LIG3: variants seen among roughly 807,000 people sequenced by gnomAD.
LIG3 encodes ligase II, DNA, ATP-dependent.
In LIG3, 58 loss-of-function variants were observed where a neutral mutation model predicts 110.9. The observed-to-expected ratio is 0.52, with a 90% CI of 0.42 to 0.65. The LOEUF is 0.65. LIG3 is among the 30% of genes least tolerant of loss of function. The probability of loss-of-function intolerance (pLI) is 0.00; values close to 1 mark genes in which losing one functional copy is unlikely to be tolerated. For synonymous variants in LIG3, 422 were observed against 472.8 expected (o/e 0.89, Z 1.39); for missense variants, 1,094 against 1,273.8 (o/e 0.86, Z 2.15).
chr17:35,004,235 G>GT, intron 19 of LIG3, 38 bp from the exon 20 acceptor site: 1 of 1,514,048 alleles, frequency 6.6e-7, no homozygotes, highest in Non-Finnish European at 9.2e-7. Flanking sequence ...TGTACCCAGT[G>GT]TAGGTCTGAC....
chr17:34,987,969 C>T (rs572243026), intron 3 of LIG3, among the ~76,000 whole-genome samples: 12 of 151,600 alleles, frequency 7.9e-5, no homozygotes, highest in African/African-American at 1.9e-4. Flanking sequence ...CCGAGGCGGG[C>T]GGATCACGAG....
rs2090720827 is a variant in LIG3, at chr17:34,991,562, G to A, written c.1042-109G>A. 4 of 1,067,938 alleles carry A rather than the reference G, an allele frequency of 3.7e-6. No homozygotes were observed. The South Asian group carries it at 5.8e-5, about 15-fold the overall frequency. The allele number at this position is 1,067,938 out of a possible 1,614,324, so 66.2% of individuals were successfully genotyped here. A position where few individuals can be genotyped will look rare whatever the true frequency, so the allele number is the denominator to read the frequency against. Reference sequence around the variant, plus strand: ...AAGTGGGCTAGATATGTTGAGTTGGGATAGGAGCTATGATTGAAATTTCTT... The same window carrying A: ...AAGTGGGCTAGATATGTTGAGTTGGAATAGGAGCTATGATTGAAATTTCTT... On this transcript the variant is annotated intron_variant, in intron 5 of 19. Coordinates refer to ENST00000378526, the MANE Select transcript of LIG3 (RefSeq NM_013975.4).
chr17:34,988,834 C>T (rs2090686636), intron 3 of LIG3, among the ~76,000 whole-genome samples: 1 of 152,190 alleles, frequency 6.6e-6, no homozygotes, highest in South Asian at 2.1e-4. Flanking sequence ...CTTCTCAGAC[C>T]TCAGTCCCCT....
At chr17:34,992,168 G>A in intron 7 of LIG3, 133 bp downstream of exon 7, 1 of 779,350 alleles carries the variant, frequency 1.3e-6, no homozygotes, top group South Asian at 1.5e-5. Context: ...GTGAGACCCT[G>A]ATCTGTCACT....
In LIG3 at chr17:35,009,289, C is replaced by G. The variant is rs1018735648; in HGVS notation, c.*4783C>G. ...AAATTTATACAATGTATATTGAGCA[C>G]TAGTTCCTGTACAGCTTATTCTTAT... On this transcript the variant is annotated 3_prime_UTR_variant, in exon 20 of 20. Transcript: ENST00000378526. 4 of 152,436 alleles carry G rather than the reference C, an allele frequency of 2.6e-5. No homozygotes were observed. The highest frequency in any genetic ancestry group is 9.7e-5 in the African/African-American group (4 of 41,438). The allele number at this position is 152,436 out of a possible 1,614,324, so 9.4% of individuals were successfully genotyped here.
chr17:34,997,920 A>G (rs1259851415), intron 12 of LIG3, 95 bp downstream of exon 12: 2 of 941,550 alleles, frequency 2.1e-6, no homozygotes, highest in Non-Finnish European at 3.4e-6. Context: ...ATAAATCTTA[A>G]TGTCTTATGG....
chr17:34,995,092 G>A (rs980285214), intron 9 of LIG3, among the ~76,000 whole-genome samples: 4 of 152,196 alleles, frequency 2.6e-5, no homozygotes, highest in Non-Finnish European at 5.9e-5. Flanking sequence ...GGTAGCTTGT[G>A]AGCAGATGGA....
intron 19 of LIG3, 48 bp from the exon 20 acceptor site, chr17:35,004,225 T>C (rs759009227): frequency 7.0e-7 from 1 of 1,433,288 alleles, no homozygotes; most frequent in Non-Finnish European, 9.8e-7. Context: ...AAGACCCATC[T>C]GTACCCAGTG....
In LIG3 at chr17:34,998,271, A is replaced by T. The variant is rs751606504; in HGVS notation, c.1964A>T (p.Glu655Val). 1 of 1,613,472 alleles carries T rather than the reference A, an allele frequency of 6.2e-7. No homozygotes were observed. The highest frequency in any genetic ancestry group is 2.2e-5 in the East Asian group (1 of 44,858). The change falls in exon 13 of 20, where the codon GAG (glutamate) becomes GTG (valine). Residue 655 changes from glutamate to valine, a missense_variant. Physicochemically the swap from Glu to Val is moderately radical, Grantham distance 121. Coordinates refer to ENST00000378526, the MANE Select transcript of LIG3 (RefSeq NM_013975.4). ...ACCCGGGTGATCCAGGAGGGATTGG[A>T]GGGGCTGGTGCTGAAGGATGTGAAG... The part of the protein sequence containing the change: ...MITRVIQEGL[E>V]GLVLKDVKGT...
At chr17:34,999,180 G>T in intron 14 of LIG3, 127 bp from the exon 15 acceptor site, 1 of 1,047,394 alleles carries the variant, frequency 9.5e-7, no homozygotes, top group South Asian at 1.7e-5. Flanking sequence ...TTAGTAAGAG[G>T]TAGCTCCAAG....
In LIG3 at chr17:34,991,013, G is replaced by T; in HGVS notation, c.940G>T (p.Val314Phe). 6.2e-7 allele frequency: 1 copy of T among 1,614,130 alleles called. No individual in the cohort carries two copies. Among genetic ancestry groups the T allele is most frequent in the Non-Finnish European group, 8.5e-7 (1 of 1,179,980 alleles). The change falls in exon 5 of 20, where the codon GTC (valine) becomes TTC (phenylalanine). Residue 314 changes from valine (V) to phenylalanine (F), a missense_variant. Transcript: ENST00000378526. ...YLTVKLLLPG[V>F]IKTVYNLNDK... ...AACAGTGAAGCTGCTGCTGCCAGGA[G>T]TCATTAAGACTGTTTACAACTTGAA...
At position 34,992,685 on chromosome 17, in the gene LIG3, C is replaced by T. The variant is rs753301812; in HGVS notation, c.1448C>T (p.Pro483Leu). The change falls in exon 8 of 20, where the codon CCC becomes CTC. Residue 483 changes from proline (P) to leucine (L), a missense_variant. Transcript: ENST00000378526. ...GCCTCGCTGATGACACCTGTGCAGC[C>T]CATGTTGGTGAGGAGTGCTCCCCTG... ...VQASLMTPVQPMLAEACKSVE... is the reference protein window; with the variant it reads ...VQASLMTPVQLMLAEACKSVE... The T allele has an allele frequency of 1.3e-6, 2 of 1,590,992 alleles. No homozygotes were observed. Among genetic ancestry groups the T allele is most frequent in the Non-Finnish European group, 1.7e-6 (2 of 1,170,008 alleles).
chr17:34,998,782 G>A, intron 14 of LIG3, 55 bp downstream of exon 14: 1 of 1,570,860 alleles, frequency 6.4e-7, no homozygotes. Context: ...TACCGCTTGA[G>A]GTACAGGCTG....
At position 35,006,011 on chromosome 17, in the gene LIG3, T is replaced by G; in HGVS notation, c.*1505T>G. 1 of 244,130 alleles carries G rather than the reference T, an allele frequency of 4.1e-6. No homozygotes were observed. The allele number at this position is 244,130 out of a possible 1,614,324, so 15.1% of individuals were successfully genotyped here. ...TGAGTGGCATTTTCTTCTTAGTTTT[T>G]AATTTCTTAAAGAAAATATACTCCA... On this transcript the variant is annotated 3_prime_UTR_variant, in exon 20 of 20. Coordinates refer to ENST00000378526, the MANE Select transcript of LIG3 (RefSeq NM_013975.4).
chr17:35,002,192 C>T, intron 18 of LIG3, 88 bp downstream of exon 18: 1 of 1,129,770 alleles, frequency 8.9e-7, no homozygotes, highest in Admixed American at 2.8e-5. Flanking sequence ...ACATTCCAGC[C>T]CTGAGATCTC....
At chr17:34,997,665 CCCTT>C in intron 11 of LIG3, 69 bp from the exon 12 acceptor site, 2 of 1,070,406 alleles carry the variant, frequency 1.9e-6, no homozygotes, top group Non-Finnish European at 2.9e-6. Context: ...ATCATTGTGG[CCCTT>C]CCTTCCTCAG....
intron 4 of LIG3, among the ~76,000 whole-genome samples, chr17:34,990,063 G>A (rs1279399880): frequency 6.6e-6 from 1 of 152,066 alleles, no homozygotes. Context: ...ACAAATTGTC[G>A]ATGAGCATCT....
chr17:34,996,513 CCTT>C, intron 10 of LIG3, 58 bp from the exon 11 acceptor site: 4 of 1,339,592 alleles, frequency 3.0e-6, no homozygotes, highest in Non-Finnish European at 4.3e-6. Context: ...GACTGGTACT[CCTT>C]ATTTTTTCAC....
At chr17:34,990,335 A>G (rs1041196742) in intron 4 of LIG3, among the ~76,000 whole-genome samples, 1 of 152,186 alleles carries the variant, frequency 6.6e-6, no homozygotes, top group African/African-American at 2.4e-5. Flanking sequence ...GCTGGAGCGC[A>G]TGGGTGCAAT....
Sources: allele counts gnomAD v4.1 joint callset (sites outside exome capture counted in the v4.1 genomes callset), GRCh38; gene constraint gnomAD v4.1.1; transcripts MANE v1.5; gene names NCBI Gene and HGNC (gene_info 2026-07-23, HGNC 2026-07-21).